Variants in MID1 observed in about 807,000 individuals in gnomAD.
MID1 encodes the protein midline 1.
A neutral mutation model predicts 40.4 loss-of-function variants in MID1; 7 were observed. That is an observed-to-expected ratio of 0.17 (90% CI 0.10 to 0.33). The LOEUF is 0.33. Among genes scored for constraint, MID1 ranks in the 10% least tolerant of loss-of-function variants. The pLI, the probability that MID1 is intolerant of heterozygous loss-of-function variation, is 1.00. For missense variants in MID1, 367 were observed against 558.5 expected (o/e 0.66, Z 3.46); for synonymous variants, 229 against 221.2 (o/e 1.04, Z -0.31).
chrX:10,705,119 C>T (rs1283914107), intron 1 of MID1, among the ~76,000 whole-genome samples: 1 of 111,933 alleles, frequency 8.9e-6, no homozygotes. Context: ...AGATAATAAT[C>T]ACCTAGCCTT....
chrX:10,510,007 T>G (rs1932035382), intron 3 of MID1, among the ~76,000 whole-genome samples: 1 of 112,284 alleles, frequency 8.9e-6, no homozygotes, highest in South Asian at 3.7e-4. Context: ...CTATGTAGTT[T>G]CCCTTAAGCT....
intron 3 of MID1, among the ~76,000 whole-genome samples, chrX:10,517,466 T>C (rs1324630081): frequency 8.9e-6 from 1 of 112,449 alleles, no homozygotes; most frequent in African/African-American, 3.2e-5. Context: ...CCATATTATT[T>C]TCTCAATAAC....
At chrX:10,577,182 A>G (rs1460709563) in intron 1 of MID1, among the ~76,000 whole-genome samples, 1 of 111,955 alleles carries the variant, frequency 8.9e-6, no homozygotes, top group Non-Finnish European at 1.9e-5. Flanking sequence ...CATTCCTTAC[A>G]GGGACCAGCA....
intron 1 of MID1, among the ~76,000 whole-genome samples, chrX:10,762,515 C>T (rs2043687560): frequency 9.2e-6 from 1 of 109,265 alleles, no homozygotes; most frequent in Non-Finnish European, 1.9e-5. Context: ...CTCACTGCAG[C>T]CTCAACCTCC....
rs1224471407 is a variant in MID1, at chrX:10,640,982, A to T, written c.-186-20563T>A. On this transcript the variant is annotated intron_variant, in intron 1 of 10. Coordinates refer to the MID1 transcript ENST00000380785. ...TTGAAACCAATGAGAACAAAGACAC[A>T]ACATACCAGAATCTCTGGGACACAT... 2.7e-5 allele frequency among the ~76,000 whole-genome samples: 3 copies of T among 112,169 alleles called. No homozygotes were observed. In the East Asian group the frequency reaches 8.4e-4, roughly 31 times the overall value.
intron 1 of MID1, among the ~76,000 whole-genome samples, chrX:10,744,117 G>A (rs906392794): frequency 7.2e-5 from 8 of 111,466 alleles, no homozygotes; most frequent in Admixed American, 6.7e-4. Flanking sequence ...GGCCAGAGGG[G>A]GTGTGAGCTG....
intron 1 of MID1, among the ~76,000 whole-genome samples, chrX:10,703,800 C>A (rs1189603399): frequency 3.6e-5 from 4 of 112,196 alleles, no homozygotes; most frequent in African/African-American, 6.5e-5. Flanking sequence ...TTTAGAGGTG[C>A]TTTGAATCCT....
At chrX:10,744,620 T>C (rs529760578) in intron 1 of MID1, among the ~76,000 whole-genome samples, 2 of 111,614 alleles carry the variant, frequency 1.8e-5, no homozygotes, top group East Asian at 2.8e-4. Context: ...TTCTAGTTGG[T>C]GACCTTGGGT....
At chrX:10,475,046 T>C (rs1197105353) in intron 5 of MID1, 1 of 364,658 alleles carries the variant, frequency 2.7e-6, no homozygotes, top group Non-Finnish European at 5.2e-6. Flanking sequence ...CATGTTGCTG[T>C]GTATTTAACA....
At chrX:10,749,580 C>G (rs1488760640) in intron 1 of MID1, among the ~76,000 whole-genome samples, 1 of 112,018 alleles carries the variant, frequency 8.9e-6, no homozygotes, top group Non-Finnish European at 1.9e-5. Flanking sequence ...CCTATAAAGA[C>G]AAGAGGTTTG....
intron 1 of MID1, among the ~76,000 whole-genome samples, chrX:10,700,536 C>G (rs940299423): frequency 1.8e-5 from 2 of 111,156 alleles, no homozygotes; most frequent in African/African-American, 6.5e-5. Flanking sequence ...CTGGGCAACA[C>G]AGTGAGACCC....
chrX:10,792,799 G>T (rs1227725692), intron 1 of MID1, among the ~76,000 whole-genome samples: 1 of 111,578 alleles, frequency 9.0e-6, no homozygotes, highest in African/African-American at 3.3e-5. Context: ...AAAATGTTCT[G>T]AATTAATTAG....
chrX:10,646,515 C>G (rs139815120), intron 1 of MID1, among the ~76,000 whole-genome samples: 1 of 111,017 alleles, frequency 9.0e-6, no homozygotes, highest in African/African-American at 3.3e-5. Context: ...CTTTCCACCC[C>G]CTGATGTTAA....
intron 1 of MID1, among the ~76,000 whole-genome samples, chrX:10,727,511 C>G (rs1264521777): frequency 8.9e-6 from 1 of 112,198 alleles, no homozygotes; most frequent in African/African-American, 3.2e-5. Flanking sequence ...AAACATTTGT[C>G]TTAACTCTGC....
intron 2 of MID1, among the ~76,000 whole-genome samples, chrX:10,549,972 A>C (rs1184907250): frequency 1.8e-5 from 2 of 112,850 alleles, no homozygotes; most frequent in East Asian, 5.5e-4. Flanking sequence ...TGCTATTCCA[A>C]GTCTCTGACT....
intron 1 of MID1, among the ~76,000 whole-genome samples, chrX:10,682,476 C>T (rs1009121554): frequency 3.6e-5 from 4 of 110,357 alleles, no homozygotes; most frequent in Admixed American, 9.7e-5. Context: ...AAGTATTTAA[C>T]GGATGTAAAA....
intron 1 of MID1, among the ~76,000 whole-genome samples, chrX:10,602,809 C>T (rs1176990952): frequency 1.8e-5 from 2 of 112,078 alleles, no homozygotes; most frequent in African/African-American, 6.5e-5. Flanking sequence ...ATTCTGCCAC[C>T]ACATGCTCAT....
chrX:10,731,106 A>C (rs1392292062), intron 1 of MID1, among the ~76,000 whole-genome samples: 1 of 111,961 alleles, frequency 8.9e-6, no homozygotes, highest in Non-Finnish European at 1.9e-5. Context: ...GAATATTTGT[A>C]ATTATTTGTG....
At chrX:10,548,163 T>C (rs1446625255) in intron 2 of MID1, among the ~76,000 whole-genome samples, 1 of 111,880 alleles carries the variant, frequency 8.9e-6, no homozygotes, top group African/African-American at 3.2e-5. Context: ...TCACTATTAT[T>C]TATGTGGCCA....
Sources: allele counts gnomAD v4.1 joint callset (sites outside exome capture counted in the v4.1 genomes callset), GRCh38; gene constraint gnomAD v4.1.1; transcripts MANE v1.5; gene names NCBI Gene and HGNC (gene_info 2026-07-23, HGNC 2026-07-21).